REL: variants seen among roughly 807,000 people sequenced by gnomAD.
REL encodes the protein proto-oncogene c-Rel.
Under a neutral mutation model 45.9 loss-of-function variants are expected in REL, and 15 were observed. That is an observed-to-expected ratio of 0.33 (90% CI 0.22 to 0.50). REL has a LOEUF of 0.50. Ranked by LOEUF, REL falls within the 20% of genes least tolerant of loss-of-function variation. The probability of loss-of-function intolerance (pLI) is 0.98; values close to 1 mark genes in which losing one functional copy is unlikely to be tolerated. For missense variants in REL, 601 were observed against 715.2 expected (o/e 0.84, Z 1.82); for synonymous variants, 239 against 242.1 (o/e 0.99, Z 0.12).
chr2:60,899,887 CTTCT>C (rs1326960280), intron 3 of REL: 4 of 152,284 alleles, frequency 2.6e-5, no homozygotes, highest in Admixed American at 6.5e-5. Flanking sequence ...TAGCATTAAA[CTTCT>C]TTCTAATACA....
intron 1 of REL, among the ~76,000 whole-genome samples, chr2:60,887,753 A>T (rs1281117802): frequency 1.3e-5 from 2 of 151,244 alleles, no homozygotes; most frequent in Non-Finnish European, 3.0e-5. Context: ...GGAAAAATAA[A>T]TTCCAAGGAC....
intron 3 of REL, among the ~76,000 whole-genome samples, chr2:60,897,769 G>A (rs1439077521): frequency 6.6e-6 from 1 of 151,472 alleles, no homozygotes; most frequent in Non-Finnish European, 1.5e-5. Flanking sequence ...GCCCATGCCT[G>A]TAGTTACAGC....
chr2:60,916,399 G>A (rs1437875367), intron 4 of REL, among the ~76,000 whole-genome samples: 2 of 152,208 alleles, frequency 1.3e-5, no homozygotes, highest in East Asian at 1.9e-4. Context: ...GGGCAACAGA[G>A]TGAGACCCCC....
At chr2:60,911,348 G>A (rs1227770170) in intron 4 of REL, 2 of 152,218 alleles carry the variant, frequency 1.3e-5, no homozygotes, top group African/African-American at 2.4e-5. Flanking sequence ...TATCTTAGGA[G>A]TGGTTATTGT....
intron 7 of REL, among the ~76,000 whole-genome samples, chr2:60,919,440 T>A (rs745751462): frequency 3.3e-5 from 5 of 151,776 alleles, no homozygotes; most frequent in Admixed American, 2.6e-4. Flanking sequence ...TTTTTTGTTT[T>A]TGAGATGGAG....
intron 7 of REL, among the ~76,000 whole-genome samples, chr2:60,919,750 A>G (rs948995580): frequency 1.3e-5 from 2 of 151,794 alleles, no homozygotes; most frequent in African/African-American, 4.8e-5. Flanking sequence ...TTATGGAGAC[A>G]GGGTTTTGTC....
intron 1 of REL, among the ~76,000 whole-genome samples, chr2:60,883,009 G>A (rs1672984055): frequency 6.6e-6 from 1 of 152,106 alleles, no homozygotes; most frequent in African/African-American, 2.4e-5. Flanking sequence ...AGCCGGGGCG[G>A]GGGGATAAAT....
At chr2:60,892,913 C>A (rs879408302) in intron 2 of REL, among the ~76,000 whole-genome samples, 1 of 151,972 alleles carries the variant, frequency 6.6e-6, no homozygotes, top group Non-Finnish European at 1.5e-5. Flanking sequence ...CCCTACCACG[C>A]CCAGCTAATT....
In REL at chr2:60,927,883, C is replaced by T. The variant is rs1482680390; in HGVS notation, c.*5348C>T. Reference sequence around the variant, plus strand: ...GCCCCTTCCCAGTCTGTACCTACACCTCTAAATCTATTTTCAATCTTAATG... The same window carrying T: ...GCCCCTTCCCAGTCTGTACCTACACTTCTAAATCTATTTTCAATCTTAATG... On this transcript the variant is annotated 3_prime_UTR_variant, in exon 10 of 10. Coordinates refer to ENST00000394479, the MANE Select transcript of REL (RefSeq NM_001291746.2). 3 of 225,310 alleles carry T rather than the reference C, an allele frequency of 1.3e-5. No individual in the cohort carries two copies. Among genetic ancestry groups the T allele is most frequent in the Non-Finnish European group, 2.7e-5 (3 of 113,074 alleles). The allele number at this position is 225,310 out of a possible 1,614,324, so 14.0% of individuals were successfully genotyped here.
chr2:60,920,128 G>C lies in REL; in HGVS notation c.922+19G>C. Reference sequence around the variant, plus strand: ...GATCACGGTAAGAATAGTTTGGATCGATTCATATTTAAATAGGTTTTGTTT... The same window carrying C: ...GATCACGGTAAGAATAGTTTGGATCCATTCATATTTAAATAGGTTTTGTTT... On this transcript the variant is annotated intron_variant, in intron 8 of 9. Coordinates refer to ENST00000394479, the MANE Select transcript of REL (RefSeq NM_001291746.2). The C allele has an allele frequency of 6.5e-7, 1 of 1,530,788 alleles. No individual in the cohort carries two copies. Among genetic ancestry groups the C allele is most frequent in the Non-Finnish European group, 8.9e-7 (1 of 1,117,590 alleles). 94.8% of individuals were successfully genotyped at this position (1,530,788 alleles called of 1,614,324 possible).
At chr2:60,891,555 G>C in intron 1 of REL, 128 bp from the exon 2 acceptor site, 2 of 807,988 alleles carry the variant, frequency 2.5e-6, no homozygotes, top group Non-Finnish European at 3.7e-6. Context: ...TTTCGGTCTT[G>C]TTATTTAATG....
rs1419810712 is a variant in REL at position 60,918,183 on chromosome 2, A to T, written c.536-8A>T. The T allele has an allele frequency of 5.2e-6, 8 of 1,542,870 alleles. No homozygotes were observed. The highest frequency in any genetic ancestry group is 7.1e-6 in the Non-Finnish European group (8 of 1,132,324). ...CAACTCATTTTTTTGAAAATCCTTTATATTTAGGTGCTCCAAATACTGCAG... is the reference window on the plus strand; with the variant it reads ...CAACTCATTTTTTTGAAAATCCTTTTTATTTAGGTGCTCCAAATACTGCAG... On this transcript the variant is annotated splice_polypyrimidine_tract_variant and splice_region_variant and intron_variant, in intron 5 of 9. Transcript: ENST00000394479.
chr2:60,904,534 G>C (rs1247989238), intron 4 of REL, among the ~76,000 whole-genome samples: 1 of 151,482 alleles, frequency 6.6e-6, no homozygotes, highest in African/African-American at 2.4e-5. Context: ...TCACGCCATT[G>C]GACTCCAACC....
In REL at chr2:60,927,727, T is replaced by C. The variant is rs541989401; in HGVS notation, c.*5192T>C. 2.0e-4 allele frequency: 47 copies of C among 229,276 alleles called. No homozygotes were observed. In the East Asian group the frequency reaches 2.7e-3, roughly 13 times the overall value. 14.2% of individuals were successfully genotyped at this position (229,276 alleles called of 1,614,324 possible). On this transcript the variant is annotated 3_prime_UTR_variant, in exon 10 of 10. Coordinates refer to ENST00000394479, the MANE Select transcript of REL (RefSeq NM_001291746.2). ...ATGTCAGTCTTTTTCTTTGCAAGGA[T>C]AACACATGTAGAGTAAAATGCATAA...
rs1185920503 is a variant in REL, at chr2:60,929,385, G to A, written c.*6850G>A. ...ACACATGCACACGTATGTTTATTGC[G>A]GCATTATTCACAATAGCAAAGACTT... On this transcript the variant is annotated 3_prime_UTR_variant, in exon 10 of 10. Coordinates refer to ENST00000394479, the MANE Select transcript of REL (RefSeq NM_001291746.2). 33 of 136,828 alleles carry A rather than the reference G, an allele frequency of 2.4e-4. No homozygotes were observed. The highest frequency in any genetic ancestry group is 8.1e-4 in the African/African-American group (29 of 35,890). 8.5% of individuals were successfully genotyped at this position (136,828 alleles called of 1,614,324 possible). A position where few individuals can be genotyped will look rare whatever the true frequency, so the allele number is the denominator to read the frequency against.
Position 60,924,083 on chromosome 2 carries a change from C to T in REL, c.*1548C>T, listed in dbSNP as rs1015438055. 1 of 231,508 alleles carries T rather than the reference C, an allele frequency of 4.3e-6. No homozygotes were observed. The highest frequency in any genetic ancestry group is 8.5e-6 in the Non-Finnish European group (1 of 116,998). The allele number at this position is 231,508 out of a possible 1,614,324, so 14.3% of individuals were successfully genotyped here. ...CAGTCTGTACTTGGTATTCCCTCTG[C>T]CTTGAATGTTGTTCTCCCAGAAAAA... is the stretch of plus-strand genomic sequence containing the variant. On this transcript the variant is annotated 3_prime_UTR_variant, in exon 10 of 10. Coordinates refer to ENST00000394479, the MANE Select transcript of REL (RefSeq NM_001291746.2).
At position 60,930,718 on chromosome 2, in the gene REL, A is replaced by G. The variant is rs1674367519; in HGVS notation, c.*8183A>G. ...CAAAAGTAATCACTCTATTTATTCT[A>G]AATGTCTGTGGCTTTAGGAAAATAC... On this transcript the variant is annotated 3_prime_UTR_variant, in exon 10 of 10. Transcript: ENST00000394479. 6.6e-6 allele frequency: 1 copy of G among 152,362 alleles called. No homozygotes were observed. The highest frequency in any genetic ancestry group is 2.1e-4 in the South Asian group (1 of 4,836). The allele number at this position is 152,362 out of a possible 1,614,324, so 9.4% of individuals were successfully genotyped here.
rs1674301591 is a variant in REL at position 60,927,806 on chromosome 2, C to T, written c.*5271C>T. The stretch of plus-strand genomic sequence containing the variant: ...ATTAATTTTTATGTATGTTAACACC[C>T]ATGTCACCACCATGTTTAGGACATT... On this transcript the variant is annotated 3_prime_UTR_variant, in exon 10 of 10. Coordinates refer to ENST00000394479, the MANE Select transcript of REL (RefSeq NM_001291746.2). The T allele has an allele frequency of 4.0e-5, 9 of 227,764 alleles. No homozygotes were observed. The East Asian group carries it at 5.6e-4, about 14-fold the overall frequency. 14.1% of individuals were successfully genotyped at this position (227,764 alleles called of 1,614,324 possible). A position where few individuals can be genotyped will look rare whatever the true frequency, so the allele number is the denominator to read the frequency against.
rs983274209 is a variant in REL, at chr2:60,910,139, A to G, written c.395-6738A>G. 7.9e-5 allele frequency among the ~76,000 whole-genome samples: 12 copies of G among 152,004 alleles called. No homozygotes were observed. In the East Asian group the frequency reaches 9.7e-4, roughly 12 times the overall value. On this transcript the variant is annotated intron_variant, in intron 4 of 9. Coordinates refer to ENST00000394479, the MANE Select transcript of REL (RefSeq NM_001291746.2). ...CTGATTTTAGGGTTAAAGGAGTGAT[A>G]TTTCTTTCTAAAGGTAGATTAAACA...
Sources: allele counts gnomAD v4.1 joint callset (sites outside exome capture counted in the v4.1 genomes callset), GRCh38; gene constraint gnomAD v4.1.1; transcripts MANE v1.5; gene names NCBI Gene and HGNC (gene_info 2026-07-23, HGNC 2026-07-21).